The following KHDRBS2 variants were observed in gnomAD, a reference collection of about 807,000 sequenced individuals.
KHDRBS2 encodes the protein KH RNA binding domain containing, signal transduction associated 2, also known as KH domain-containing, RNA-binding, signal transduction-associated protein 2.
Under a neutral mutation model 44.3 loss-of-function variants are expected in KHDRBS2, and 26 were observed. The observed-to-expected ratio is 0.59, with a 90% CI of 0.43 to 0.81. KHDRBS2 has a LOEUF of 0.81. Among genes scored for constraint, KHDRBS2 ranks in the 40% least tolerant of loss-of-function variants. The pLI, the probability that KHDRBS2 is intolerant of heterozygous loss-of-function variation, is 0.00. For synonymous variants in KHDRBS2, 194 were observed against 151.1 expected (o/e 1.28, Z -2.08); for missense variants, 476 against 433.1 (o/e 1.10, Z -0.88).
chr6:61,666,830 A>G, the KHDRBS2 span, among the ~76,000 whole-genome samples: 1 of 151,376 alleles, frequency 6.6e-6, no homozygotes, highest in African/African-American at 2.4e-5. Context: ...CACTTTAGCA[A>G]TAAAGGTGGA....
chr6:62,093,813 A>T (rs190445244), intron 2 of KHDRBS2, among the ~76,000 whole-genome samples: 18 of 151,024 alleles, frequency 1.2e-4, no homozygotes, highest in African/African-American at 4.4e-4. Context: ...GCTGCAAATG[A>T]CAAGATTTCA....
chr6:62,007,253 A>G (rs1779411398), intron 3 of KHDRBS2, among the ~76,000 whole-genome samples: 2 of 152,036 alleles, frequency 1.3e-5, no homozygotes, highest in Admixed American at 1.3e-4. Context: ...CTTAACCTTT[A>G]TTACTTTTCA....
intron 1 of KHDRBS2, among the ~76,000 whole-genome samples, chr6:62,268,903 A>T (rs1291495848): frequency 3.0e-4 from 45 of 152,252 alleles, no homozygotes. Context: ...TCATATATTC[A>T]TAAAACACTA....
chr6:62,278,210 T>C (rs1183408197), intron 1 of KHDRBS2, among the ~76,000 whole-genome samples: 4 of 152,196 alleles, frequency 2.6e-5, no homozygotes, highest in Non-Finnish European at 5.9e-5. Context: ...TCTCATAATA[T>C]AGCCAAACCA....
At chr6:61,569,293 T>A in the KHDRBS2 span, among the ~76,000 whole-genome samples, 1 of 152,160 alleles carries the variant, frequency 6.6e-6, no homozygotes, top group Non-Finnish European at 1.5e-5. Context: ...CAGCTGATGG[T>A]GTTTTTCTAC....
intron 2 of KHDRBS2, among the ~76,000 whole-genome samples, chr6:62,068,503 T>C (rs1794266561): frequency 1.3e-5 from 2 of 151,706 alleles, no homozygotes; most frequent in South Asian, 4.1e-4. Flanking sequence ...GCACAAACTT[T>C]TAAAAAATTT....
intron 6 of KHDRBS2, among the ~76,000 whole-genome samples, chr6:61,737,447 G>A (rs1371832523): frequency 6.6e-6 from 1 of 151,998 alleles, no homozygotes; most frequent in African/African-American, 2.4e-5. Context: ...GTATGTAAAC[G>A]TATAGTACTG....
intron 2 of KHDRBS2, among the ~76,000 whole-genome samples, chr6:62,115,971 G>A (rs1263762865): frequency 6.6e-6 from 1 of 151,934 alleles, no homozygotes; most frequent in African/African-American, 2.4e-5. Flanking sequence ...GAAAGTAATT[G>A]ATATGAAAAC....
intron 2 of KHDRBS2, among the ~76,000 whole-genome samples, chr6:62,051,683 G>A (rs1444260984): frequency 1.3e-5 from 2 of 151,858 alleles, no homozygotes; most frequent in African/African-American, 4.8e-5. Flanking sequence ...GGAAACAATC[G>A]CCAAACTGGA....
chr6:61,551,575 T>G, the KHDRBS2 span, among the ~76,000 whole-genome samples: 1 of 152,328 alleles, frequency 6.6e-6, no homozygotes, highest in East Asian at 1.9e-4. Flanking sequence ...TTCAATCTTC[T>G]GCATATGGCT....
intron 3 of KHDRBS2, among the ~76,000 whole-genome samples, chr6:61,998,868 CTAAGTA>C (rs998224315): frequency 1.3e-5 from 2 of 152,056 alleles, no homozygotes; most frequent in Non-Finnish European, 2.9e-5. Context: ...GCCTGTTCAT[CTAAGTA>C]TAACTTTATC....
At chr6:62,049,893 G>A (rs867704798) in intron 2 of KHDRBS2, among the ~76,000 whole-genome samples, 39 of 152,132 alleles carry the variant, frequency 2.6e-4, no homozygotes, top group Middle Eastern at 6.8e-3. Context: ...GATTCCTCAA[G>A]GATCTAGAAC....
intron 6 of KHDRBS2, among the ~76,000 whole-genome samples, chr6:61,841,037 C>CTATAAAA (rs1793521978): frequency 6.6e-6 from 1 of 151,878 alleles, no homozygotes; most frequent in South Asian, 2.1e-4. Context: ...CTATAGTGGC[C>CTATAAAA]CTTACAACAT....
chr6:61,795,972 T>C (rs931450317), intron 6 of KHDRBS2, among the ~76,000 whole-genome samples: 5 of 152,130 alleles, frequency 3.3e-5, no homozygotes, highest in African/African-American at 1.2e-4. Flanking sequence ...GTAGTTAAGA[T>C]CATGAGGATG....
chr6:61,879,144 T>G (rs1799866905), intron 6 of KHDRBS2, among the ~76,000 whole-genome samples: 2 of 152,086 alleles, frequency 1.3e-5, no homozygotes, highest in South Asian at 4.1e-4. Context: ...TAGAAAGCAG[T>G]ATATACCTAC....
At chr6:61,637,803 CA>C in the KHDRBS2 span, among the ~76,000 whole-genome samples, 1 of 152,214 alleles carries the variant, frequency 6.6e-6, no homozygotes, top group East Asian at 1.9e-4. Flanking sequence ...AGCATTTTTT[CA>C]TGTGTTTTTT....
At chr6:62,066,218 A>T (rs549080807) in intron 2 of KHDRBS2, among the ~76,000 whole-genome samples, 2 of 151,832 alleles carry the variant, frequency 1.3e-5, no homozygotes, top group East Asian at 3.9e-4. Flanking sequence ...CTATTTTTTC[A>T]GCCTATTCAA....
At chr6:62,084,772 C>T (rs1209017084) in intron 2 of KHDRBS2, among the ~76,000 whole-genome samples, 3 of 152,042 alleles carry the variant, frequency 2.0e-5, no homozygotes, top group Admixed American at 6.6e-5. Context: ...TCACATTTCT[C>T]AAAATATGCT....
chr6:61,692,444 T>G (rs1767474450), intron 8 of KHDRBS2, among the ~76,000 whole-genome samples: 1 of 152,030 alleles, frequency 6.6e-6, no homozygotes, highest in Non-Finnish European at 1.5e-5. Context: ...ATTTAGATGT[T>G]ATTTACATTA....
Sources: allele counts gnomAD v4.1 joint callset (sites outside exome capture counted in the v4.1 genomes callset), GRCh38; gene constraint gnomAD v4.1.1; transcripts MANE v1.5; gene names NCBI Gene and HGNC (gene_info 2026-07-23, HGNC 2026-07-21).